Variants in EIF4E3 observed in about 807,000 individuals in gnomAD.
EIF4E3 encodes eukaryotic translation initiation factor 4E family member 3, also known as eukaryotic translation initiation factor 4E type 3.
A neutral mutation model predicts 31.7 loss-of-function variants in EIF4E3; 26 were observed. The observed-to-expected ratio is 0.82, with a 90% confidence interval of 0.60 to 1.14. The LOEUF (loss-of-function observed/expected upper bound fraction) is 1.14. Among genes scored for constraint, EIF4E3 ranks in the 50% most tolerant of loss-of-function variants. The probability of loss-of-function intolerance (pLI) is 0.00; values close to 1 mark genes in which losing one functional copy is unlikely to be tolerated. For synonymous variants in EIF4E3, 128 were observed against 107.7 expected, an observed-to-expected ratio of 1.19 and a Z score of -1.17; for missense variants, 304 against 270.9, an observed-to-expected ratio of 1.12 and a Z score of -0.86.
chr3:71,732,456 A>C (rs1288047233), intron 1 of EIF4E3, among the ~76,000 whole-genome samples: 3 of 152,202 alleles, frequency 2.0e-5, no homozygotes, highest in Non-Finnish European at 4.4e-5. Flanking sequence ...GGCCAGTCTA[A>C]GAGCTCTGAT....
intron 1 of EIF4E3, among the ~76,000 whole-genome samples, chr3:71,732,531 A>G (rs951063308): frequency 2.6e-5 from 4 of 151,992 alleles, no homozygotes; most frequent in African/African-American, 9.7e-5. Flanking sequence ...TGTATAACCA[A>G]CTCCTCCTGT....
At chr3:71,743,088 A>G (rs995058107) in intron 1 of EIF4E3, among the ~76,000 whole-genome samples, 20 of 152,120 alleles carry the variant, frequency 1.3e-4, no homozygotes, top group African/African-American at 4.8e-4. Flanking sequence ...GAGAGAAGAG[A>G]CCAATAAGGT....
chr3:71,682,890 C>A lies in EIF4E3; in HGVS notation c.*1792G>T, dbSNP rs56204644. 2.5e-3 allele frequency: 378 copies of A among 152,548 alleles called. 2 individuals are homozygous for A. Among genetic ancestry groups the A allele is most frequent in the African/African-American group, 9.0e-3 (373 of 41,522 alleles). The allele number at this position is 152,548 out of a possible 1,614,324, so 9.4% of individuals were successfully genotyped here. On this transcript the variant is annotated 3_prime_UTR_variant, in exon 7 of 7. Coordinates refer to ENST00000425534, the MANE Select transcript of EIF4E3 (RefSeq NM_001134651.2). Reference sequence around the variant, plus strand: ...ACAATTAGAGTGAAGTCAATTATATCCTTTTTTCAATCAGAAAAATACTTA... The same window carrying A: ...ACAATTAGAGTGAAGTCAATTATATACTTTTTTCAATCAGAAAAATACTTA...
Position 71,679,165 on chromosome 3 carries a change from G to C in EIF4E3, c.*5517C>G, listed in dbSNP as rs1209625281. On this transcript the variant is annotated 3_prime_UTR_variant, in exon 7 of 7. Transcript: ENST00000425534. ...TCCTTTAATATTCACCATTCATCAT[G>C]TAATGTAAAGTGCTAAAATTAAAAT... 7 of 152,068 alleles carry C rather than the reference G, an allele frequency of 4.6e-5. No homozygotes were observed. 9.4% of individuals were successfully genotyped at this position (152,068 alleles called of 1,614,324 possible).
chr3:71,751,196 G>A (rs2049925773), intron 1 of EIF4E3, among the ~76,000 whole-genome samples: 1 of 152,128 alleles, frequency 6.6e-6, no homozygotes, highest in African/African-American at 2.4e-5. Context: ...TGATGCCACT[G>A]ACTCCAGCCT....
At position 71,683,652 on chromosome 3, in the gene EIF4E3, T is replaced by G. The variant is rs2048951344; in HGVS notation, c.*1030A>C. ...ATCCTGGAAATGAGATTTAACTTCC[T>G]GCACCTACATGAAAAAGGGTGGGGA... On this transcript the variant is annotated 3_prime_UTR_variant, in exon 7 of 7. Transcript: ENST00000425534. 6.6e-6 allele frequency: 1 copy of G among 152,206 alleles called. No individual in the cohort carries two copies. Among genetic ancestry groups the G allele is most frequent in the African/African-American group, 2.4e-5 (1 of 41,444 alleles). The allele number at this position is 152,206 out of a possible 1,614,324, so 9.4% of individuals were successfully genotyped here. A position where few individuals can be genotyped will look rare whatever the true frequency, so the allele number is the denominator to read the frequency against.
chr3:71,708,681 A>C (rs931687007), intron 2 of EIF4E3, among the ~76,000 whole-genome samples: 2 of 152,110 alleles, frequency 1.3e-5, no homozygotes, highest in African/African-American at 4.8e-5. Context: ...GTGGGTTGGG[A>C]AAAGTCTAAT....
chr3:71,724,513 G>A lies in EIF4E3; in HGVS notation c.176+679C>T, dbSNP rs898175647. ...GTCAGGGGGTCTTTCTGAAAAGATGGCACCTGGGTTGTCCCTTGAGAAAGC... is the reference window on the plus strand; with the variant it reads ...GTCAGGGGGTCTTTCTGAAAAGATGACACCTGGGTTGTCCCTTGAGAAAGC... On this transcript the variant is annotated intron_variant, in intron 1 of 6. Transcript: ENST00000425534. 7.2e-5 allele frequency among the ~76,000 whole-genome samples: 11 copies of A among 152,194 alleles called. No individual in the cohort carries two copies. The East Asian group carries it at 2.1e-3, about 29-fold the overall frequency.
chr3:71,729,865 C>T (rs1364642224), upstream of EIF4E3, among the ~76,000 whole-genome samples: 3 of 135,832 alleles, frequency 2.2e-5, no homozygotes, highest in African/African-American at 5.7e-5. Context: ...GAATGGGTGG[C>T]GGAACTCATT....
chr3:71,726,908 T>C (rs2049646111), upstream of EIF4E3, among the ~76,000 whole-genome samples: 1 of 152,354 alleles, frequency 6.6e-6, no homozygotes, highest in African/African-American at 2.4e-5. Flanking sequence ...AGAAGCGTGG[T>C]ATATGGCATT....
intron 2 of EIF4E3, 98 bp downstream of exon 2, chr3:71,710,314 T>C: frequency 1.4e-6 from 2 of 1,385,966 alleles, no homozygotes; most frequent in Non-Finnish European, 2.0e-6. Context: ...AGCAGAACCC[T>C]GGACAGGGGC....
chr3:71,732,890 A>T (rs1180118225), intron 1 of EIF4E3, among the ~76,000 whole-genome samples: 2 of 152,248 alleles, frequency 1.3e-5, no homozygotes, highest in Non-Finnish European at 2.9e-5. Flanking sequence ...TTAAAAAATG[A>T]GTGTGCCAAT....
At chr3:71,706,096 A>G (rs567537484) in intron 2 of EIF4E3, among the ~76,000 whole-genome samples, 1 of 152,362 alleles carries the variant, frequency 6.6e-6, no homozygotes, top group South Asian at 2.1e-4. Context: ...GTAGAAATGA[A>G]TTTAACTCCA....
chr3:71,697,675 CCA>C (rs2049158856), intron 3 of EIF4E3, among the ~76,000 whole-genome samples: 1 of 151,804 alleles, frequency 6.6e-6, no homozygotes, highest in Admixed American at 6.6e-5. Context: ...ATCTGTCTTT[CCA>C]TGTCTGGTTT....
intron 1 of EIF4E3, among the ~76,000 whole-genome samples, chr3:71,714,991 T>C (rs1211874416): frequency 6.6e-6 from 1 of 152,268 alleles, no homozygotes; most frequent in Non-Finnish European, 1.5e-5. Context: ...CTTTCATTCA[T>C]GTTATAAACC....
At chr3:71,754,130 G>C (rs372440235), upstream of EIF4E3, 61 of 1,448,048 alleles carry the variant, frequency 4.2e-5, no homozygotes, top group Non-Finnish European at 5.4e-5. The surrounding 1 kb of genome is among the most constrained non-coding windows in gnomAD (Gnocchi z 5.8). Context: ...CGCTCAGCCT[G>C]CTGCTGTGCG....
At chr3:71,684,803 T>C in intron 6 of EIF4E3, 75 bp from the exon 7 acceptor site, 4 of 1,488,568 alleles carry the variant, frequency 2.7e-6, no homozygotes, top group South Asian at 1.2e-5. Flanking sequence ...AACCCTCCTC[T>C]AGGCATCTCA....
At chr3:71,696,281 C>T (rs892734037) in intron 4 of EIF4E3, among the ~76,000 whole-genome samples, 179 bp downstream of exon 4, 2 of 152,248 alleles carry the variant, frequency 1.3e-5, no homozygotes, top group East Asian at 1.9e-4. Context: ...CACAATTATA[C>T]ACTTTCAAGG....
At chr3:71,707,462 C>CTTTCACT (rs1449145325) in intron 2 of EIF4E3, among the ~76,000 whole-genome samples, 3 of 152,152 alleles carry the variant, frequency 2.0e-5, no homozygotes, top group Non-Finnish European at 4.4e-5. Context: ...GAACTATATA[C>CTTTCACT]CATCTCATCT....
Sources: gnomAD v4.1 joint callset for allele counts (sites outside exome capture counted in the v4.1 genomes callset) on GRCh38, gnomAD v4.1.1 for gene constraint, Gnocchi (gnomAD v3.1) non-coding constraint, MANE v1.5 for transcripts, NCBI Gene and HGNC (gene_info 2026-07-23, HGNC 2026-07-21) for gene names.